SLCO2B1: variants seen among roughly 807,000 people sequenced by gnomAD.
SLCO2B1 encodes the protein solute carrier organic anion transporter family member 2B1.
In SLCO2B1, 41 loss-of-function variants were observed where a neutral mutation model predicts 67.3. The observed-to-expected ratio is 0.61, with a 90% CI of 0.47 to 0.79. The LOEUF (loss-of-function observed/expected upper bound fraction) is 0.79, where lower values mean the gene tolerates loss of function less well. SLCO2B1 is among the 30% of genes least tolerant of loss of function. The pLI, the probability that SLCO2B1 is intolerant of heterozygous loss-of-function variation, is 0.00. For missense variants in SLCO2B1, 837 were observed against 920.1 expected (o/e 0.91, Z 1.17); for synonymous variants, 379 against 381.4 (o/e 0.99, Z 0.07).
intron 8 of SLCO2B1, among the ~76,000 whole-genome samples, chr11:75,191,207 G>A (rs553423585): frequency 6.6e-6 from 1 of 152,158 alleles, no homozygotes; most frequent in Admixed American, 6.5e-5. Flanking sequence ...GAAACTCCTG[G>A]CCTTAAACTG....
chr11:75,169,581 T>A, intron 5 of SLCO2B1, 85 bp from the exon 6 acceptor site: 1 of 1,287,336 alleles, frequency 7.8e-7, no homozygotes, highest in Non-Finnish European at 1.1e-6. Context: ...AGACAGAGTG[T>A]TCTTGCCCAT....
At chr11:75,171,257 C>A (rs765971775) in intron 6 of SLCO2B1, among the ~76,000 whole-genome samples, 2 of 152,090 alleles carry the variant, frequency 1.3e-5, no homozygotes, top group African/African-American at 4.8e-5. Context: ...CATCAAGGAG[C>A]ATTTGGTTTT....
intron 13 of SLCO2B1, chr11:75,204,176 C>T (rs977095797): frequency 2.5e-6 from 1 of 395,628 alleles, no homozygotes; most frequent in Non-Finnish European, 4.4e-6. Flanking sequence ...CCAGGCCAGG[C>T]CACAGAGCAG....
chr11:75,202,806 G>A (rs1054216601), intron 11 of SLCO2B1, 95 bp from the exon 12 acceptor site: 1 of 1,069,786 alleles, frequency 9.3e-7, no homozygotes. Flanking sequence ...GGTGGTGGGA[G>A]AGAAGGGCAT....
chr11:75,155,177 T>G (rs367818935), intron 1 of SLCO2B1, among the ~76,000 whole-genome samples: 3 of 152,108 alleles, frequency 2.0e-5, no homozygotes, highest in Admixed American at 6.5e-5. Flanking sequence ...CTCACAAAGC[T>G]GGACCTCAAG....
intron 7 of SLCO2B1, 103 bp from the exon 8 acceptor site, chr11:75,188,033 C>A (rs1565545423): frequency 2.8e-6 from 2 of 706,614 alleles, no homozygotes; most frequent in African/African-American, 1.8e-5. Context: ...TGACAGGGCT[C>A]TCACCCTCTC....
chr11:75,178,798 T>G (rs1024368890), intron 7 of SLCO2B1, among the ~76,000 whole-genome samples: 5 of 152,242 alleles, frequency 3.3e-5, no homozygotes, highest in African/African-American at 1.2e-4. Flanking sequence ...CTCTGGTAAC[T>G]TCCCTTCTGC....
intron 1 of SLCO2B1, among the ~76,000 whole-genome samples, chr11:75,158,735 G>A (rs935860607): frequency 2.0e-5 from 3 of 152,142 alleles, no homozygotes; most frequent in Admixed American, 2.0e-4. Flanking sequence ...GCTCAGGGAT[G>A]TGCCCAGGCT....
rs184392291 is a variant in SLCO2B1, at chr11:75,173,260, A to G, written c.972+691A>G. Among the ~76,000 whole-genome samples, 475 of 152,370 alleles carry G rather than the reference A, an allele frequency of 3.1e-3. 3 individuals carry two copies. The highest frequency in any genetic ancestry group is 8.0e-3 in the Admixed American group (123 of 15,310). ...GGAGGGTGGGTAGGATCATCTGGGA[A>G]GACTTCCCTGAAGAGGAGGGATTTC... is the stretch of plus-strand genomic sequence containing the variant. On this transcript the variant is annotated intron_variant, in intron 7 of 13. Coordinates refer to ENST00000289575, the MANE Select transcript of SLCO2B1 (RefSeq NM_007256.5).
chr11:75,155,193 T>C (rs1322162718), intron 1 of SLCO2B1, among the ~76,000 whole-genome samples: 2 of 152,050 alleles, frequency 1.3e-5, no homozygotes, highest in African/African-American at 4.8e-5. Flanking sequence ...TCAAGCATGC[T>C]ATTGTCCTCC....
At chr11:75,185,953 C>T (rs1478104649) in intron 7 of SLCO2B1, among the ~76,000 whole-genome samples, 1 of 152,172 alleles carries the variant, frequency 6.6e-6, no homozygotes, top group East Asian at 1.9e-4. Context: ...GCTATCAGGA[C>T]ACTCCTAAGT....
intron 7 of SLCO2B1, among the ~76,000 whole-genome samples, chr11:75,186,545 G>A (rs1944935909): frequency 2.0e-5 from 3 of 151,428 alleles, no homozygotes; most frequent in Admixed American, 1.3e-4. Flanking sequence ...TAGAGACAAG[G>A]TTTCGCCATG....
chr11:75,194,701 G>A (rs1012911196), intron 9 of SLCO2B1, among the ~76,000 whole-genome samples: 1 of 152,198 alleles, frequency 6.6e-6, no homozygotes, highest in East Asian at 1.9e-4. Flanking sequence ...CTGGTCTGAG[G>A]AGGGAGCCAG....
intron 4 of SLCO2B1, among the ~76,000 whole-genome samples, chr11:75,167,891 C>T (rs1425127285): frequency 5.8e-5 from 5 of 85,870 alleles, no homozygotes; most frequent in South Asian, 5.0e-4. Flanking sequence ...TTTGTTCTTT[C>T]TTTCTTTTTT....
chr11:75,168,943 G>A (rs1170356901), intron 4 of SLCO2B1, among the ~76,000 whole-genome samples: 2 of 152,188 alleles, frequency 1.3e-5, no homozygotes, highest in Non-Finnish European at 2.9e-5. Flanking sequence ...CATGGACTCT[G>A]AAGCCAGACC....
rs77695551 is a variant in SLCO2B1, at chr11:75,188,106, G to A, written c.973-30G>A. 873 of 1,539,490 alleles carry A rather than the reference G, an allele frequency of 5.7e-4. 7 individuals carry two copies. The African/African-American group carries it at 0.011, about 19-fold the overall frequency. On this transcript the variant is annotated intron_variant, in intron 7 of 13. Transcript: ENST00000289575. ...CTGAGTGGGGTTGCTGGCATCCAGC[G>A]GACTGTCCTTGGTTTTGTGTCTCCT...
At chr11:75,197,290 G>T (rs185077441) in intron 10 of SLCO2B1, among the ~76,000 whole-genome samples, 417 of 152,234 alleles carry the variant, frequency 2.7e-3, no homozygotes, top group Non-Finnish European at 4.3e-3. Flanking sequence ...AAGATGAAAA[G>T]AGACACATCC....
rs1218968218 is a variant in SLCO2B1 at position 75,205,895 on chromosome 11, G to T, written c.*1315G>T. ...CTACTGCTCGGGAGGCAGCAGACAG[G>T]GAGCCACCAGCAGTGGCTTCCTGGC... On this transcript the variant is annotated 3_prime_UTR_variant, in exon 14 of 14. Coordinates refer to ENST00000289575, the MANE Select transcript of SLCO2B1 (RefSeq NM_007256.5). 2 of 152,252 alleles carry T rather than the reference G, an allele frequency of 1.3e-5. No individual in the cohort carries two copies. The highest frequency in any genetic ancestry group is 4.8e-5 in the African/African-American group (2 of 41,458). The allele number at this position is 152,252 out of a possible 1,614,324, so 9.4% of individuals were successfully genotyped here.
Position 75,193,716 on chromosome 11 carries a change from G to A in SLCO2B1, c.1433+141G>A, listed in dbSNP as rs1945061578. On this transcript the variant is annotated intron_variant, in intron 9 of 13. Transcript: ENST00000289575. This position sits in a 1 kb window ranked among gnomAD's most constrained non-coding sequence, Gnocchi z 4.2. ...CAGTTCTGCTTAACAGCCCTTTAGA[G>A]ATTCGAGTCAAGCAGTGGGGTGCTC... is the stretch of plus-strand genomic sequence containing the variant. The A allele has an allele frequency of 1.4e-6, 1 of 709,812 alleles. No homozygotes were observed. The highest frequency in any genetic ancestry group is 2.4e-5 in the South Asian group (1 of 41,280). The allele number at this position is 709,812 out of a possible 1,614,324, so 44.0% of individuals were successfully genotyped here.
Sources: allele counts gnomAD v4.1 joint callset (sites outside exome capture counted in the v4.1 genomes callset), GRCh38; gene constraint gnomAD v4.1.1; non-coding constraint Gnocchi (gnomAD v3.1); transcripts MANE v1.5; gene names NCBI Gene and HGNC (gene_info 2026-07-23, HGNC 2026-07-21).